The following AKAP13 variants were observed in gnomAD, a reference collection of about 807,000 sequenced individuals.
The protein encoded by AKAP13 is A-kinase anchoring protein 13, also known as A-kinase anchor protein 13.
A neutral mutation model predicts 264.5 loss-of-function variants in AKAP13; 80 were observed. The ratio of observed to expected loss-of-function variants is 0.30; its 90% confidence interval spans 0.25 to 0.36. The LOEUF (loss-of-function observed/expected upper bound fraction) is 0.36. AKAP13 is among the 10% of genes least tolerant of loss of function. AKAP13 has a pLI of 1.00. For synonymous variants in AKAP13, 1,380 were observed against 1,250.2 expected (o/e 1.10, Z -2.19); for missense variants, 3,712 against 3,435.2 (o/e 1.08, Z -2.01).
chr15:85,684,890 G>A lies in AKAP13; in HGVS notation c.5289+17G>A, dbSNP rs1435756905. The A allele has an allele frequency of 1.9e-6, 3 of 1,612,232 alleles. No homozygotes were observed. The highest frequency in any genetic ancestry group is 1.1e-5 in the South Asian group (1 of 90,664). On this transcript the variant is annotated intron_variant, in intron 16 of 36. Transcript: ENST00000394518. ...AAGAGCAAAGTGAGTATCACTGTGG[G>A]CATTGCTTGTGATCACCTCAGTAGG...
chr15:85,630,309 T>G (rs1005953757), intron 8 of AKAP13, among the ~76,000 whole-genome samples: 1 of 149,832 alleles, frequency 6.7e-6, no homozygotes, highest in South Asian at 2.1e-4. Context: ...TCCGGCCCAG[T>G]GTCTCTGTAT....
Position 85,380,615 on chromosome 15 carries a change from AGCGCG to A in AKAP13, c.-193_-189del, listed in dbSNP as rs1809861950. 1 of 126,492 alleles carries A rather than the reference AGCGCG, an allele frequency of 7.9e-6. No homozygotes were observed. The highest frequency in any genetic ancestry group is 3.0e-5 in the African/African-American group (1 of 33,640). 7.8% of individuals were successfully genotyped at this position (126,492 alleles called of 1,614,324 possible). On this transcript the variant is annotated 5_prime_UTR_variant, in exon 1 of 37. Transcript: ENST00000394518. Reference sequence around the variant, plus strand: ...GCGGACTGGAGCTGTGTGCAGGGCCAGCGCGGAGCCCGAGCAGCCGCGGTGAAGCG... The same window carrying A: ...GCGGACTGGAGCTGTGTGCAGGGCCAGAGCCCGAGCAGCCGCGGTGAAGCG...
chr15:85,476,646 C>G (rs564923158), intron 1 of AKAP13, among the ~76,000 whole-genome samples: 1 of 152,278 alleles, frequency 6.6e-6, no homozygotes, highest in African/African-American at 2.4e-5. Flanking sequence ...CCAGTAAGTG[C>G]CACATTTACA....
At chr15:85,569,243 C>A in intron 5 of AKAP13, among the ~76,000 whole-genome samples, 1 of 151,818 alleles carries the variant, frequency 6.6e-6, no homozygotes, top group East Asian at 1.9e-4. Flanking sequence ...GACTTTGAGT[C>A]AAGAGAAAGA....
chr15:85,724,649 G>A lies in AKAP13; in HGVS notation c.6745+1329G>A, dbSNP rs1437115827. The stretch of plus-strand genomic sequence containing the variant: ...TTGATACTATTGATGAGGGAAGGGG[G>A]CAAAGAATGGGTTCAAAAACGAGAA... On this transcript the variant is annotated intron_variant, in intron 26 of 36. Coordinates refer to ENST00000394518, the MANE Select transcript of AKAP13 (RefSeq NM_007200.5). The surrounding 1 kb of genome is among the most constrained non-coding windows in gnomAD (Gnocchi z 4.2). Among the ~76,000 whole-genome samples the A allele has an allele frequency of 6.6e-6, 1 of 151,458 alleles. No homozygotes were observed. The highest frequency in any genetic ancestry group is 6.6e-5 in the Admixed American group (1 of 15,154).
Position 85,684,880 on chromosome 15 carries a change from A to G in AKAP13, c.5289+7A>G, listed in dbSNP as rs1374135001. The G allele has an allele frequency of 3.1e-6, 5 of 1,613,562 alleles. No individual in the cohort carries two copies. The highest frequency in any genetic ancestry group is 1.3e-5 in the African/African-American group (1 of 75,068). On this transcript the variant is annotated splice_region_variant and intron_variant, in intron 16 of 36. Transcript: ENST00000394518. Reference sequence around the variant, plus strand: ...TAGCAGCAAGAAGAGCAAAGTGAGTATCACTGTGGGCATTGCTTGTGATCA... The same window carrying G: ...TAGCAGCAAGAAGAGCAAAGTGAGTGTCACTGTGGGCATTGCTTGTGATCA...
At chr15:85,482,964 CA>C (rs2075395138) in intron 1 of AKAP13, among the ~76,000 whole-genome samples, 1 of 152,204 alleles carries the variant, frequency 6.6e-6, no homozygotes, top group Non-Finnish European at 1.5e-5. Context: ...GTGTGAGGGA[CA>C]GACACTTTGT....
chr15:85,615,788 T>C (rs1310399170), intron 8 of AKAP13, among the ~76,000 whole-genome samples: 6 of 152,212 alleles, frequency 3.9e-5, no homozygotes, highest in African/African-American at 4.8e-5. Context: ...TCCCATGAAC[T>C]ATATGGCATG....
intron 1 of AKAP13, among the ~76,000 whole-genome samples, chr15:85,483,632 CAA>C (rs35648447): frequency 2.2e-4 from 13 of 57,988 alleles, no homozygotes; most frequent in Non-Finnish European, 3.1e-4. Flanking sequence ...GACTCCGTCT[CAA>C]AAAAAAAAAA....
chr15:85,691,551 A>G (rs1177002281), intron 16 of AKAP13, among the ~76,000 whole-genome samples: 1 of 152,194 alleles, frequency 6.6e-6, no homozygotes, highest in African/African-American at 2.4e-5. Flanking sequence ...ATGTCATATG[A>G]GTCCTCTGCT....
intron 12 of AKAP13, among the ~76,000 whole-genome samples, chr15:85,659,356 A>C (rs1444193453): frequency 6.6e-6 from 1 of 152,250 alleles, no homozygotes; most frequent in Non-Finnish European, 1.5e-5. Context: ...AGGCATTTGT[A>C]AAGAAGTATT....
intron 1 of AKAP13, among the ~76,000 whole-genome samples, chr15:85,384,861 GATA>G (rs1467922429): frequency 6.6e-6 from 1 of 152,210 alleles, no homozygotes; most frequent in African/African-American, 2.4e-5. Flanking sequence ...AAGATGAATG[GATA>G]ATGTGTTTTT....
At chr15:85,454,097 T>C (rs1427748593) in intron 1 of AKAP13, among the ~76,000 whole-genome samples, 1 of 152,196 alleles carries the variant, frequency 6.6e-6, no homozygotes, top group Non-Finnish European at 1.5e-5. Flanking sequence ...TCTTATCTTG[T>C]GGGCTGCCAT....
intron 1 of AKAP13, among the ~76,000 whole-genome samples, chr15:85,443,677 G>T (rs1014245821): frequency 9.2e-5 from 14 of 152,148 alleles, no homozygotes; most frequent in African/African-American, 3.4e-4. Context: ...CTTATATGCG[G>T]TTCGTGGTTG....
chr15:85,722,372 T>G, intron 25 of AKAP13, 25 bp downstream of exon 25: 52 of 1,579,380 alleles, frequency 3.3e-5, no homozygotes, highest in Non-Finnish European at 4.2e-5. Context: ...TAACTCGGTC[T>G]TGTATGGTCA....
chr15:85,399,132 A>G (rs2071263370), intron 1 of AKAP13, among the ~76,000 whole-genome samples: 1 of 152,210 alleles, frequency 6.6e-6, no homozygotes, highest in South Asian at 2.1e-4. Flanking sequence ...TGTCATTTAT[A>G]CTTCTACTGG....
In AKAP13 at chr15:85,475,348, A is replaced by G. The variant is rs145407850; in HGVS notation, c.-11-10362A>G. On this transcript the variant is annotated intron_variant, in intron 1 of 36. Transcript: ENST00000394518. ...TTATGGTTCCCGTTTCCTTTGGATA[A>G]CAGGATACAGCTGGTGGCAAAATTC... Among the ~76,000 whole-genome samples, 86 of 152,260 alleles carry G rather than the reference A, an allele frequency of 5.6e-4. 1 individual carries two copies. Among genetic ancestry groups the G allele is most frequent in the African/African-American group, 1.9e-3 (78 of 41,544 alleles).
chr15:85,688,994 C>T (rs976924167), intron 16 of AKAP13, among the ~76,000 whole-genome samples: 1 of 152,102 alleles, frequency 6.6e-6, no homozygotes, highest in Non-Finnish European at 1.5e-5. Context: ...GTGGAATGAC[C>T]CTCTTCAAAC....
intron 30 of AKAP13, among the ~76,000 whole-genome samples, chr15:85,732,237 G>A (rs2614670): frequency 0.087 from 13,258 of 152,152 alleles, 874 homozygotes; most frequent in East Asian, 0.34. Flanking sequence ...GGTATAGTAA[G>A]TTGTTCCAGG....
Sources: allele counts gnomAD v4.1 joint callset (sites outside exome capture counted in the v4.1 genomes callset), GRCh38; gene constraint gnomAD v4.1.1; non-coding constraint Gnocchi (gnomAD v3.1); transcripts MANE v1.5; gene names NCBI Gene and HGNC (gene_info 2026-07-23, HGNC 2026-07-21).